The following PDE8B variants were observed in gnomAD, a reference collection of about 807,000 sequenced individuals.
PDE8B encodes the protein phosphodiesterase 8B.
In PDE8B, 26 loss-of-function variants were observed where a neutral mutation model predicts 101.3. The ratio of observed to expected loss-of-function variants is 0.26; its 90% confidence interval spans 0.19 to 0.36. The LOEUF (loss-of-function observed/expected upper bound fraction) is 0.36. Ranked by LOEUF, PDE8B falls within the 10% of genes least tolerant of loss-of-function variation. PDE8B has a pLI of 1.00. For synonymous variants in PDE8B, 424 were observed against 429.3 expected (o/e 0.99, Z 0.15); for missense variants, 810 against 1,163.1 (o/e 0.70, Z 4.42).
At chr5:77,251,899 T>C (rs978069335) in intron 1 of PDE8B, among the ~76,000 whole-genome samples, 3 of 152,256 alleles carry the variant, frequency 2.0e-5, no homozygotes, top group Non-Finnish European at 4.4e-5. Context: ...TTCCAATTTC[T>C]TTCTAAAATT....
At chr5:77,289,719 A>G (rs1371065832) in intron 1 of PDE8B, among the ~76,000 whole-genome samples, 1 of 152,240 alleles carries the variant, frequency 6.6e-6, no homozygotes, top group Non-Finnish European at 1.5e-5. Context: ...TTGGAAAACT[A>G]TCCTTTACTG....
the PDE8B span, among the ~76,000 whole-genome samples, chr5:77,189,109 C>T: frequency 6.6e-6 from 1 of 152,202 alleles, no homozygotes; most frequent in African/African-American, 2.4e-5. Flanking sequence ...TTCACACCCC[C>T]TCTTCCCCAG....
At chr5:77,299,778 G>A in intron 1 of PDE8B, among the ~76,000 whole-genome samples, 1 of 152,122 alleles carries the variant, frequency 6.6e-6, no homozygotes, top group Non-Finnish European at 1.5e-5. Flanking sequence ...AATCCTTTGG[G>A]TATATACCCA....
At chr5:77,111,187 T>TGTCTTGACATAGTCAA in the PDE8B span, among the ~76,000 whole-genome samples, 1 of 152,342 alleles carries the variant, frequency 6.6e-6, no homozygotes, top group South Asian at 2.1e-4. Context: ...CAGGTGAAGA[T>TGTCTTGACATAGTCAA]GACAGCTTAG....
the PDE8B span, among the ~76,000 whole-genome samples, chr5:77,182,521 T>C: frequency 2.2e-4 from 33 of 152,076 alleles, no homozygotes; most frequent in Admixed American, 1.7e-3. Flanking sequence ...CAGGCATGAG[T>C]AGAGGGGAAG....
rs1406362371 is a variant in PDE8B, at chr5:77,421,675, T to C, written c.2251-146T>C. The C allele has an allele frequency of 6.8e-6, 5 of 730,860 alleles. No individual in the cohort carries two copies. In the East Asian group the frequency reaches 8.1e-5, roughly 12 times the overall value. The allele number at this position is 730,860 out of a possible 1,614,324, so 45.3% of individuals were successfully genotyped here. A position where few individuals can be genotyped will look rare whatever the true frequency, so the allele number is the denominator to read the frequency against. ...AAAGAATGTGTCAGTATATTATATA[T>C]GGAATTTAAAAAAGGAAAAGCTGCC... On this transcript the variant is annotated intron_variant, in intron 19 of 21. Transcript: ENST00000264917.
the PDE8B span, among the ~76,000 whole-genome samples, chr5:77,167,832 G>C: frequency 6.2e-4 from 94 of 152,156 alleles, no homozygotes; most frequent in African/African-American, 2.2e-3. Flanking sequence ...CCCACCCTGC[G>C]GGACCGTGTG....
intron 11 of PDE8B, among the ~76,000 whole-genome samples, chr5:77,403,152 A>G (rs1434956210): frequency 6.6e-6 from 1 of 152,088 alleles, no homozygotes; most frequent in Non-Finnish European, 1.5e-5. Context: ...GTCATTTTTT[A>G]TATCTCGGCG....
chr5:77,379,136 G>A (rs1272920178), intron 10 of PDE8B, among the ~76,000 whole-genome samples: 1 of 152,230 alleles, frequency 6.6e-6, no homozygotes, highest in Non-Finnish European at 1.5e-5. Context: ...TGTAGAGCCA[G>A]TGGGCACAAG....
At chr5:77,298,601 A>G (rs1006579566) in intron 1 of PDE8B, among the ~76,000 whole-genome samples, 1 of 152,222 alleles carries the variant, frequency 6.6e-6, no homozygotes, top group African/African-American at 2.4e-5. Context: ...GTTTAGAAAG[A>G]GGCTGGACTT....
chr5:77,354,456 A>G (rs896261055), intron 10 of PDE8B, among the ~76,000 whole-genome samples: 2 of 152,232 alleles, frequency 1.3e-5, no homozygotes, highest in African/African-American at 4.8e-5. Flanking sequence ...TGGTAAAGGA[A>G]AGAATGGCCT....
At chr5:77,424,819 G>GTTTTTTTTTTTTTTTTTTTTTTTTTTT (rs912849753) in intron 20 of PDE8B, among the ~76,000 whole-genome samples, 2 of 110,046 alleles carry the variant, frequency 1.8e-5, no homozygotes. Flanking sequence ...CTGTTTTTTT[G>GTTTTTTTTTTTTTTTTTTTTTTTTTTT]TTTTTTGTTT....
At chr5:77,375,294 C>G (rs944283494) in intron 10 of PDE8B, among the ~76,000 whole-genome samples, 4 of 152,284 alleles carry the variant, frequency 2.6e-5, no homozygotes, top group Middle Eastern at 3.4e-3. Context: ...CTGTGGGAAC[C>G]ACTGCTGCTT....
intron 8 of PDE8B, among the ~76,000 whole-genome samples, chr5:77,350,576 G>C (rs1780910121): frequency 6.6e-6 from 1 of 150,954 alleles, no homozygotes; most frequent in Admixed American, 6.6e-5. Flanking sequence ...AGCCTTGGCT[G>C]GGGGGCCCGT....
chr5:77,357,374 T>A (rs1295765622), intron 10 of PDE8B, among the ~76,000 whole-genome samples: 2 of 152,170 alleles, frequency 1.3e-5, no homozygotes, highest in African/African-American at 4.8e-5. Flanking sequence ...TGAGATGGGT[T>A]TCCCAACCAT....
At chr5:77,292,166 G>A (rs1389144628) in intron 1 of PDE8B, among the ~76,000 whole-genome samples, 4 of 152,178 alleles carry the variant, frequency 2.6e-5, no homozygotes, top group Non-Finnish European at 4.4e-5. Flanking sequence ...ATATCTGTGA[G>A]TGTTGGTTGC....
At chr5:77,225,880 A>ACACACACC (rs1554059621) in intron 1 of PDE8B, among the ~76,000 whole-genome samples, 1 of 100,718 alleles carries the variant, frequency 9.9e-6, no homozygotes, top group African/African-American at 4.5e-5. Flanking sequence ...ACACACACAC[A>ACACACACC]CCCCACGCAC....
chr5:77,419,671 C>T, intron 18 of PDE8B, 96 bp from the exon 19 acceptor site: 1 of 1,420,886 alleles, frequency 7.0e-7, no homozygotes. Flanking sequence ...GCCCCAGCTT[C>T]CTCCTAGGTT....
At chr5:77,199,384 G>A in the PDE8B span, among the ~76,000 whole-genome samples, 30 of 152,280 alleles carry the variant, frequency 2.0e-4, no homozygotes, top group Non-Finnish European at 3.8e-4. Context: ...TTAAATACTA[G>A]CTTGATTTCT....
Sources: gnomAD v4.1 joint callset for allele counts (sites outside exome capture counted in the v4.1 genomes callset) on GRCh38, gnomAD v4.1.1 for gene constraint, MANE v1.5 for transcripts, NCBI Gene and HGNC (gene_info 2026-07-23, HGNC 2026-07-21) for gene names.